COPS5: variants seen among roughly 807,000 people sequenced by gnomAD.
COPS5 encodes the protein COP9 signalosome complex subunit 5.
A neutral mutation model predicts 44.4 loss-of-function variants in COPS5; 8 were observed. The ratio of observed to expected loss-of-function variants is 0.18; its 90% CI spans 0.11 to 0.32. The LOEUF (loss-of-function observed/expected upper bound fraction) is 0.32, where lower values mean the gene tolerates loss of function less well. Ranked by LOEUF, COPS5 falls within the 10% of genes least tolerant of loss-of-function variation. The pLI is 1.00. For missense variants in COPS5, 159 were observed against 406.4 expected (o/e 0.39, Z 5.23); for synonymous variants, 122 against 142.8 (o/e 0.85, Z 1.04).
chr8:67,051,642 TAAATTC>T (rs1804415800), intron 5 of COPS5, among the ~76,000 whole-genome samples: 1 of 152,348 alleles, frequency 6.6e-6, no homozygotes, highest in East Asian at 1.9e-4. Flanking sequence ...ACTGAGTTCA[TAAATTC>T]AAGCCAACAG....
chr8:67,056,242 T>C (rs1329822143), intron 5 of COPS5, among the ~76,000 whole-genome samples: 7 of 152,198 alleles, frequency 4.6e-5, no homozygotes, highest in Non-Finnish European at 7.3e-5. Context: ...GAAATGCATT[T>C]TGTCTATGCC....
At chr8:67,061,551 C>T (rs1804627533) in intron 1 of COPS5, 3 of 444,228 alleles carry the variant, frequency 6.8e-6, no homozygotes, top group Non-Finnish European at 1.3e-5. Flanking sequence ...AGGTGCATGT[C>T]GACACTGGGC....
chr8:67,058,649 A>AT (rs558636345), intron 2 of COPS5, among the ~76,000 whole-genome samples: 2 of 152,058 alleles, frequency 1.3e-5, no homozygotes, highest in African/African-American at 4.8e-5. Flanking sequence ...TTGTTTCCAA[A>AT]TTTTTTATTT....
rs146145857 is a variant in COPS5, at chr8:67,048,004, C to T, written c.772-2044G>A. 4.2e-4 allele frequency: 279 copies of T among 662,432 alleles called. 3 individuals carry two copies. In the East Asian group the frequency reaches 6.8e-3, roughly 16 times the overall value. The allele number at this position is 662,432 out of a possible 1,614,324, so 41.0% of individuals were successfully genotyped here. ...AGAAATAAGAACAGATACTGGGCGCCGTGGCTCATGCCTGTAATCCCAGCA... is the reference window on the plus strand; with the variant it reads ...AGAAATAAGAACAGATACTGGGCGCTGTGGCTCATGCCTGTAATCCCAGCA... On this transcript the variant is annotated intron_variant, in intron 6 of 7. Transcript: ENST00000357849.
intron 6 of COPS5, among the ~76,000 whole-genome samples, chr8:67,049,181 C>T (rs766828744): frequency 5.9e-5 from 9 of 152,154 alleles, no homozygotes; most frequent in Non-Finnish European, 1.0e-4. Context: ...AAGAAATAAT[C>T]TGGCTGGGCA....
chr8:67,061,126 T>C (rs545368047), intron 1 of COPS5: 1 of 178,210 alleles, frequency 5.6e-6, no homozygotes, highest in Admixed American at 6.1e-5. Flanking sequence ...ATAAATATTA[T>C]GGGTAAAGAT....
chr8:67,050,396 G>A (rs1804382570), intron 6 of COPS5, among the ~76,000 whole-genome samples: 1 of 152,152 alleles, frequency 6.6e-6, no homozygotes, highest in African/African-American at 2.4e-5. Flanking sequence ...TTGAGCTCCT[G>A]AAGGAGTTTT....
intron 5 of COPS5, among the ~76,000 whole-genome samples, chr8:67,055,921 T>C (rs1018028663): frequency 6.6e-6 from 1 of 152,048 alleles, no homozygotes; most frequent in African/African-American, 2.4e-5. Context: ...TCTTACACTT[T>C]TATAACTTTG....
At chr8:67,061,752 A>G (rs1804641543) in intron 1 of COPS5, 102 bp downstream of exon 1, 2 of 1,170,508 alleles carry the variant, frequency 1.7e-6, no homozygotes, top group South Asian at 2.7e-5. Flanking sequence ...TCCCCCTCCC[A>G]GTCGGTGAAA....
At chr8:67,060,814 T>C (rs1256894173) in intron 1 of COPS5, 8 of 230,008 alleles carry the variant, frequency 3.5e-5, no homozygotes, top group African/African-American at 4.7e-5. Context: ...CGTATTTGCT[T>C]GTTTTTTAAT....
intron 3 of COPS5, 56 bp downstream of exon 3, chr8:67,058,027 C>T: frequency 1.3e-6 from 2 of 1,578,282 alleles, no homozygotes; most frequent in Admixed American, 1.7e-5. Flanking sequence ...TCTCAGTATA[C>T]TTGCTTCAGC....
rs549892659 is a variant in COPS5 at position 67,062,059 on chromosome 8, T to G, written c.-63A>C. 2 of 1,611,602 alleles carry G rather than the reference T, an allele frequency of 1.2e-6. No homozygotes were observed. Among genetic ancestry groups the G allele is most frequent in the African/African-American group, 1.3e-5 (1 of 75,030 alleles). The stretch of plus-strand genomic sequence containing the variant: ...AGACGCAACTTTACCTCGCTAGGTT[T>G]CCGGGTGTGGGCCTTGACCCTCCGC... On this transcript the variant is annotated 5_prime_UTR_variant, in exon 1 of 8. Transcript: ENST00000357849.
At chr8:67,046,767 G>T (rs141178060) in intron 6 of COPS5, among the ~76,000 whole-genome samples, 12,026 of 140,798 alleles carry the variant, frequency 0.085, 1,000 homozygotes, top group African/African-American at 0.22. Context: ...AGGTTGCAGT[G>T]AGCCGAGATT....
At position 67,059,234 on chromosome 8, in the gene COPS5, C is replaced by T. The variant is rs1347693682; in HGVS notation, c.355G>A (p.Ala119Thr). 2 of 1,613,940 alleles carry T rather than the reference C, an allele frequency of 1.2e-6. No homozygotes were observed. The highest frequency in any genetic ancestry group is 8.5e-7 in the Non-Finnish European group (1 of 1,179,880). ...ACCTGTTTTGCATTTTCTATGTATG[C>T]AGCCATGTATTCATATGCAGCAGCC... ...AQAAAYEYMA[A>T]YIENAKQVGR... is the part of the protein sequence containing the mutation. The change falls in exon 2 of 8, where the codon GCA (alanine) becomes ACA (threonine). Residue 119 changes from alanine to threonine, a missense_variant. By Grantham distance (58) the Ala-to-Thr change is moderately conservative. Coordinates refer to ENST00000357849, the MANE Select transcript of COPS5 (RefSeq NM_006837.3).
At position 67,043,281 on chromosome 8, in the gene COPS5, C is replaced by T; in HGVS notation, c.957G>A (p.Met319Ile). The T allele has an allele frequency of 6.2e-7, 1 of 1,602,548 alleles. No homozygotes were observed. ...ACAGTTTATCCTTAATAACCTGAGA[C>T]ATCAATCCATGGATAGCTTCTATGG... Reference protein sequence around the residue: ...KTTIEAIHGLMSQVIKDKLFN... With the variant: ...KTTIEAIHGLISQVIKDKLFN... Residue 319 changes from methionine to isoleucine, a missense_variant, in exon 8 of 8, where the codon ATG becomes ATA. Coordinates refer to ENST00000357849, the MANE Select transcript of COPS5 (RefSeq NM_006837.3).
intron 6 of COPS5, among the ~76,000 whole-genome samples, chr8:67,049,042 G>C (rs528083344): frequency 6.6e-6 from 1 of 152,136 alleles, no homozygotes; most frequent in Non-Finnish European, 1.5e-5. Context: ...TTATAGAAGA[G>C]ACATGGCAAT....
At chr8:67,061,144 C>T (rs1005783174) in intron 1 of COPS5, 1 of 193,420 alleles carries the variant, frequency 5.2e-6, no homozygotes, top group African/African-American at 2.4e-5. Flanking sequence ...GATCCCTCGA[C>T]TTGTCACCAC....
At chr8:67,058,788 G>A (rs1206590416) in intron 2 of COPS5, among the ~76,000 whole-genome samples, 1 of 151,994 alleles carries the variant, frequency 6.6e-6, no homozygotes, top group Non-Finnish European at 1.5e-5. Context: ...TGGATCACCT[G>A]AGGACAGGAG....
intron 5 of COPS5, 105 bp downstream of exon 5, chr8:67,056,414 C>T (rs570478560): frequency 1.8e-5 from 7 of 385,454 alleles, no homozygotes; most frequent in Admixed American, 1.3e-4. Context: ...AGGCTAGTGT[C>T]GAATTCCTGT....
Sources: allele counts gnomAD v4.1 joint callset (sites outside exome capture counted in the v4.1 genomes callset), GRCh38; gene constraint gnomAD v4.1.1; transcripts MANE v1.5; gene names NCBI Gene and HGNC (gene_info 2026-07-23, HGNC 2026-07-21).